The following COL7A1 variants were observed in gnomAD, a reference collection of about 807,000 sequenced individuals.
The protein encoded by COL7A1 is collagen type VII alpha 1 chain.
A neutral mutation model predicts 456.2 loss-of-function variants in COL7A1; 296 were observed. The observed-to-expected ratio is 0.65, with a 90% CI of 0.59 to 0.71. The LOEUF (loss-of-function observed/expected upper bound fraction) is 0.71. Among genes scored for constraint, COL7A1 ranks in the 30% least tolerant of loss-of-function variants. The probability of loss-of-function intolerance (pLI) is 0.00; values close to 1 mark genes in which losing one functional copy is unlikely to be tolerated. For missense variants in COL7A1, 3,441 were observed against 4,017.2 expected (o/e 0.86, Z 3.88); for synonymous variants, 1,464 against 1,525.9 (o/e 0.96, Z 0.95).
rs774072795 is a variant in COL7A1 at position 48,587,890 on chromosome 3, G to C, written c.2760C>G (p.His920Gln). Reference protein sequence around the residue: ...RVLGPELSSYHLDGLEPATQY... With the variant: ...RVLGPELSSYQLDGLEPATQY... Reference sequence around the variant, plus strand: ...GTGTCGCTGGCTCCAGCCCGTCCAGGTGATAGCTGCTGAGCTCGGGCCCCA... The same window carrying C: ...GTGTCGCTGGCTCCAGCCCGTCCAGCTGATAGCTGCTGAGCTCGGGCCCCA... Residue 920 changes from histidine (H) to glutamine (Q), a missense_variant, in exon 22 of 119, where the codon CAC (histidine) becomes CAG (glutamine). Physicochemically the swap from His to Gln is conservative, Grantham distance 24. Coordinates refer to ENST00000681320, the MANE Select transcript of COL7A1 (RefSeq NM_000094.4). This position sits in a 1 kb window ranked among gnomAD's most constrained non-coding sequence, Gnocchi z 6.1. The C allele has an allele frequency of 3.1e-6, 5 of 1,610,956 alleles. No individual in the cohort carries two copies.
In COL7A1 at chr3:48,565,362, G is replaced by C. The variant is rs770632676; in HGVS notation, c.8527+48C>G. 2 of 1,564,294 alleles carry C rather than the reference G, an allele frequency of 1.3e-6. No individual in the cohort carries two copies. The highest frequency in any genetic ancestry group is 2.7e-5 in the African/African-American group (2 of 73,902). On this transcript the variant is annotated intron_variant, in intron 116 of 118. Transcript: ENST00000681320. This position sits in a 1 kb window ranked among gnomAD's most constrained non-coding sequence, Gnocchi z 4.5. The stretch of plus-strand genomic sequence containing the variant: ...CCTGCATTCATGGACACCCATGTGC[G>C]TGTCTCGGCCCCACCCATAGCTGCC...
At position 48,590,528 on chromosome 3, in the gene COL7A1, G is replaced by A. The variant is rs759634066; in HGVS notation, c.1837C>T (p.Arg613Ter). The stretch of plus-strand genomic sequence containing the variant: ...ACGGGTCCCCAGGCCACCCTCACTC[G>A]CGTTGCATCTGACACCACAACCCGC... ...GLRVVVSDAT[R>*]VRVAWGPVPG... The change falls in exon 15 of 119, where the codon CGA becomes TGA. Residue 613 changes from arginine (R) to a stop codon, truncating the protein, a stop_gained. Transcript: ENST00000681320. LOFTEE classifies it high-confidence loss of function. The surrounding 1 kb of genome is among the most constrained non-coding windows in gnomAD (Gnocchi z 4.6). 9.9e-6 allele frequency: 16 copies of A among 1,614,114 alleles called. No homozygotes were observed. Among genetic ancestry groups the A allele is most frequent in the Non-Finnish European group, 1.2e-5 (14 of 1,180,026 alleles).
Position 48,571,271 on chromosome 3 carries a change from T to C in COL7A1, c.7076A>G (p.Lys2359Arg). The change falls in exon 93 of 119, where the codon AAA becomes AGA. Residue 2359 changes from lysine to arginine, a missense_variant. Lys to Arg is a conservative substitution (Grantham distance 26). Around this residue, in one of 3 missense-constraint regions of COL7A1, gnomAD observed 2,084 missense variants for 2,501.3 expected, o/e 0.83. Transcript: ENST00000681320. This position sits in a 1 kb window ranked among gnomAD's most constrained non-coding sequence, Gnocchi z 4.6. ...GAAACCTTTGGGTCCTGGAGCCCCT[T>C]TCTGACCCTAAGAAAACCCAGCAAA... ...EPGDPGEDGQ[K>R]GAPGPKGFKG... is the part of the protein sequence containing the mutation. 1 of 1,614,132 alleles carries C rather than the reference T, an allele frequency of 6.2e-7. No individual in the cohort carries two copies. Among genetic ancestry groups the C allele is most frequent in the Non-Finnish European group, 8.5e-7 (1 of 1,180,022 alleles).
chr3:48,587,488 G>A lies in COL7A1; in HGVS notation c.2924C>T (p.Ala975Val). 1 of 1,613,352 alleles carries A rather than the reference G, an allele frequency of 6.2e-7. No individual in the cohort carries two copies. The highest frequency in any genetic ancestry group is 8.5e-7 in the Non-Finnish European group (1 of 1,180,034). ...VDTSIDSVTL[A>V]WTPVSRASSY... ...GGATGCCCTGGACACTGGAGTCCAG[G>A]CCAAAGTCACCGAGTCGATCGAGGT... Residue 975 changes from alanine (A) to valine (V), a missense_variant, in exon 23 of 119, where the codon GCC (alanine) becomes GTC (valine). By Grantham distance (64) the Ala-to-Val change is moderately conservative (BLOSUM62 0). Coordinates refer to ENST00000681320, the MANE Select transcript of COL7A1 (RefSeq NM_000094.4). This position sits in a 1 kb window ranked among gnomAD's most constrained non-coding sequence, Gnocchi z 6.1.
rs759047842 is a variant in COL7A1, at chr3:48,588,778, C to T, written c.2451G>A (p.Met817Ile). Residue 817 changes from methionine (M) to isoleucine (I), a missense_variant, in exon 20 of 119, where the codon ATG becomes ATA. Met to Ile is a conservative substitution (Grantham distance 10). Around this residue, in one of 3 missense-constraint regions of COL7A1, gnomAD observed 444 missense variants for 427.6 expected, o/e 1.04. Transcript: ENST00000681320. The surrounding 1 kb of genome is among the most constrained non-coding windows in gnomAD (Gnocchi z 4.6). ...LAWGRSEGGPMRHQILPGNTD... is the reference protein window; with the variant it reads ...LAWGRSEGGPIRHQILPGNTD... ...TGTTTCCTGGGAGTATCTGGTGCCT[C>T]ATGGGGCCGCCTGGCCAGGTGGGCA... 5 of 1,613,776 alleles carry T rather than the reference C, an allele frequency of 3.1e-6. No homozygotes were observed. The highest frequency in any genetic ancestry group is 3.3e-5 in the Admixed American group (2 of 60,008).
Position 48,571,793 on chromosome 3 carries a change from C to A in COL7A1, c.7068+208G>T. ...GTGAGAAACAGACCAAGGATGGGCA[C>A]ACAGAAGCCAAGACAGGGCCCCCAG... On this transcript the variant is annotated intron_variant, in intron 92 of 118. Coordinates refer to ENST00000681320, the MANE Select transcript of COL7A1 (RefSeq NM_000094.4). The surrounding 1 kb of genome is among the most constrained non-coding windows in gnomAD (Gnocchi z 4.6). 1 of 661,524 alleles carries A rather than the reference C, an allele frequency of 1.5e-6. No individual in the cohort carries two copies. The allele number at this position is 661,524 out of a possible 1,614,324, so 41.0% of individuals were successfully genotyped here. A position where few individuals can be genotyped will look rare whatever the true frequency, so the allele number is the denominator to read the frequency against.
In COL7A1 at chr3:48,569,301, C is replaced by T. The variant is rs190445911; in HGVS notation, c.7686+74G>A. 3.5e-4 allele frequency: 554 copies of T among 1,565,786 alleles called. 3 individuals are homozygous for T. In the Middle Eastern group the frequency reaches 6.2e-3, roughly 18 times the overall value. On this transcript the variant is annotated intron_variant, in intron 103 of 118. Transcript: ENST00000681320. This position sits in a 1 kb window ranked among gnomAD's most constrained non-coding sequence, Gnocchi z 4.9. Reference sequence around the variant, plus strand: ...GAAAGCCTCCTCCTGTCCTCCCCTCCTGCCCTCACAGATGCTGTGGAACCA... The same window carrying T: ...GAAAGCCTCCTCCTGTCCTCCCCTCTTGCCCTCACAGATGCTGTGGAACCA...
chr3:48,592,714 A>G lies in COL7A1; in HGVS notation c.847-15T>C. On this transcript the variant is annotated splice_polypyrimidine_tract_variant and intron_variant, in intron 7 of 118. Coordinates refer to ENST00000681320, the MANE Select transcript of COL7A1 (RefSeq NM_000094.4). The surrounding 1 kb of genome is among the most constrained non-coding windows in gnomAD (Gnocchi z 7.6). Reference sequence around the variant, plus strand: ...GGGACGTTCACCTGCCCAGGGCAAGAGGTCACTTTATCTTGCCCAGCCAAG... The same window carrying G: ...GGGACGTTCACCTGCCCAGGGCAAGGGGTCACTTTATCTTGCCCAGCCAAG... 1 of 1,613,542 alleles carries G rather than the reference A, an allele frequency of 6.2e-7. No homozygotes were observed. Among genetic ancestry groups the G allele is most frequent in the Non-Finnish European group, 8.5e-7 (1 of 1,180,046 alleles).
chr3:48,588,270 G>A lies in COL7A1; in HGVS notation c.2710+12C>T, dbSNP rs1426632306. The A allele has an allele frequency of 6.2e-7, 1 of 1,612,778 alleles. No individual in the cohort carries two copies. The highest frequency in any genetic ancestry group is 8.5e-7 in the Non-Finnish European group (1 of 1,179,942). On this transcript the variant is annotated intron_variant, in intron 21 of 118. Coordinates refer to ENST00000681320, the MANE Select transcript of COL7A1 (RefSeq NM_000094.4). This position sits in a 1 kb window ranked among gnomAD's most constrained non-coding sequence, Gnocchi z 4.6. ...CAATGGTCCCTAACTTCCTCCTGGG[G>A]ACACCTCTCACCCTCAGGTTGCCAG...
Position 48,569,488 on chromosome 3 carries a change from G to T in COL7A1, c.7615-42C>A. The T allele has an allele frequency of 6.2e-7, 1 of 1,613,820 alleles. No homozygotes were observed. Among genetic ancestry groups the T allele is most frequent in the South Asian group, 1.1e-5 (1 of 91,074 alleles). On this transcript the variant is annotated intron_variant, in intron 102 of 118. Coordinates refer to ENST00000681320, the MANE Select transcript of COL7A1 (RefSeq NM_000094.4). The surrounding 1 kb of genome is among the most constrained non-coding windows in gnomAD (Gnocchi z 4.9). Reference sequence around the variant, plus strand: ...AAGAAGTCACGGTAAGGGGCTGAAGGTCCCTCACCCTCTGGGAGTTTGAGC... The same window carrying T: ...AAGAAGTCACGGTAAGGGGCTGAAGTTCCCTCACCCTCTGGGAGTTTGAGC...
rs1055450513 is a variant in COL7A1 at position 48,594,914 on chromosome 3, C to T, written c.85+161G>A. 1.3e-5 allele frequency among the ~76,000 whole-genome samples: 2 copies of T among 152,158 alleles called. No individual in the cohort carries two copies. Among genetic ancestry groups the T allele is most frequent in the Admixed American group, 1.3e-4 (2 of 15,276 alleles). Reference sequence around the variant, plus strand: ...GGAGGCGGTTTAGGGAACCCAGCACCGATCGCGGAGGGTTCGGGGAGTCCC... The same window carrying T: ...GGAGGCGGTTTAGGGAACCCAGCACTGATCGCGGAGGGTTCGGGGAGTCCC... On this transcript the variant is annotated intron_variant, in intron 2 of 118. Coordinates refer to ENST00000681320, the MANE Select transcript of COL7A1 (RefSeq NM_000094.4). This position sits in a 1 kb window ranked among gnomAD's most constrained non-coding sequence, Gnocchi z 5.5.
rs758993088 is a variant in COL7A1, at chr3:48,573,910, A to G, written c.6502-20T>C. 10 of 1,612,502 alleles carry G rather than the reference A, an allele frequency of 6.2e-6. No homozygotes were observed. The South Asian group carries it at 1.1e-4, about 18-fold the overall frequency. On this transcript the variant is annotated intron_variant, in intron 80 of 118. Transcript: ENST00000681320. This position sits in a 1 kb window ranked among gnomAD's most constrained non-coding sequence, Gnocchi z 5.5. The stretch of plus-strand genomic sequence containing the variant: ...CAGACCCTACATAGAGAGGGCACTG[A>G]TGAGCCTCAATCTGGGCCTCACTTG...
rs1559431758 is a variant in COL7A1, at chr3:48,590,390, G to A, written c.1907-34C>T. 4 of 1,614,040 alleles carry A rather than the reference G, an allele frequency of 2.5e-6. No individual in the cohort carries two copies. Among genetic ancestry groups the A allele is most frequent in the East Asian group, 2.2e-5 (1 of 44,886 alleles). On this transcript the variant is annotated intron_variant, in intron 15 of 118. Transcript: ENST00000681320. The surrounding 1 kb of genome is among the most constrained non-coding windows in gnomAD (Gnocchi z 4.6). ...AGAGGGAAATGCTGGCATGGCTCCTGCCTGTCCCCTCTGGCACCCATACCC... is the reference window on the plus strand; with the variant it reads ...AGAGGGAAATGCTGGCATGGCTCCTACCTGTCCCCTCTGGCACCCATACCC...
At position 48,575,991 on chromosome 3, in the gene COL7A1, C is replaced by A. The variant is rs373135363; in HGVS notation, c.5821-89G>T. 64 of 1,600,378 alleles carry A rather than the reference C, an allele frequency of 4.0e-5. 1 individual carries two copies. The African/African-American group carries it at 5.2e-4, about 13-fold the overall frequency. Reference sequence around the variant, plus strand: ...CGGCCTCAGGAAAGCACCTTCACACCCTTTTCCCTAGGCCTCTTGCCCAGA... The same window carrying A: ...CGGCCTCAGGAAAGCACCTTCACACACTTTTCCCTAGGCCTCTTGCCCAGA... On this transcript the variant is annotated intron_variant, in intron 71 of 118. Coordinates refer to ENST00000681320, the MANE Select transcript of COL7A1 (RefSeq NM_000094.4). The surrounding 1 kb of genome is among the most constrained non-coding windows in gnomAD (Gnocchi z 6.3).
chr3:48,589,056 T>C (rs2045504570), intron 18 of COL7A1, 61 bp from the exon 19 acceptor site: 10 of 1,610,984 alleles, frequency 6.2e-6, no homozygotes, highest in African/African-American at 1.3e-5. Flanking sequence ...GCAGGAATGG[T>C]TGACGCAGGG....
rs1193671543 is a variant in COL7A1 at position 48,588,606 on chromosome 3, AC to A, written c.2587+35del. The A allele has an allele frequency of 6.2e-7, 1 of 1,613,266 alleles. No homozygotes were observed. Among genetic ancestry groups the A allele is most frequent in the East Asian group, 2.2e-5 (1 of 44,886 alleles). ...CCCGGATCCCCAAACCATCCACACC[AC>A]CCATCCGAAGCTCTCCAGCGCATGC... is the stretch of plus-strand genomic sequence containing the variant. On this transcript the variant is annotated intron_variant, in intron 20 of 118. Transcript: ENST00000681320. This position sits in a 1 kb window ranked among gnomAD's most constrained non-coding sequence, Gnocchi z 4.6.
In COL7A1 at chr3:48,575,741, G is replaced by A; in HGVS notation, c.5864C>T (p.Ala1955Val). ...CCAGGTCTCCACGATCTCCCGCAGG[G>A]CAGATGCCTGAGGGACAGCAAGAGG... ...LLETAGIKAS[A>V]LREIVETWDE... Residue 1955 changes from alanine (A) to valine (V), a missense_variant, in exon 73 of 119, where the codon GCC becomes GTC. By Grantham distance (64) the Ala-to-Val change is moderately conservative (BLOSUM62 0). Transcript: ENST00000681320. The surrounding 1 kb of genome is among the most constrained non-coding windows in gnomAD (Gnocchi z 6.3). The A allele has an allele frequency of 6.2e-7, 1 of 1,614,042 alleles. No individual in the cohort carries two copies. The highest frequency in any genetic ancestry group is 8.5e-7 in the Non-Finnish European group (1 of 1,180,024).
rs1187848540 is a variant in COL7A1 at position 48,567,164 on chromosome 3, TGGCTGCCC to T, written c.8065_8072del (p.Gly2689ArgfsTer5). ...TCTCGCCCTGGTCACCCTTGGGGCC[TGGCTGCCC>T]GTCAAAGCCTCGGTCACCCTGGGAA... is the stretch of plus-strand genomic sequence containing the variant. On this transcript the variant is annotated frameshift_variant, in exon 110 of 119. Transcript: ENST00000681320. LOFTEE classifies it high-confidence loss of function. This position sits in a 1 kb window ranked among gnomAD's most constrained non-coding sequence, Gnocchi z 4.3. 6.2e-7 allele frequency: 1 copy of T among 1,613,904 alleles called. No individual in the cohort carries two copies. The highest frequency in any genetic ancestry group is 8.5e-7 in the Non-Finnish European group (1 of 1,179,964).
chr3:48,593,560 G>T lies in COL7A1; in HGVS notation c.403C>A (p.Leu135Met), dbSNP rs145560571. The T allele has an allele frequency of 1.9e-6, 3 of 1,614,208 alleles. No homozygotes were observed. Among genetic ancestry groups the T allele is most frequent in the Non-Finnish European group, 2.5e-6 (3 of 1,180,026 alleles). ...ACCTTGGGGACACCAGGTCGGGCCA[G>T]CTGGGGCAGGAAGACATGGTCAGCC... is the stretch of plus-strand genomic sequence containing the variant. ...HVADHVFLPQ[L>M]ARPGVPKVCI... Residue 135 changes from leucine (L) to methionine (M), a missense_variant, in exon 4 of 119, where the codon CTG becomes ATG. Leu to Met is a conservative substitution (Grantham distance 15). Coordinates refer to ENST00000681320, the MANE Select transcript of COL7A1 (RefSeq NM_000094.4). The surrounding 1 kb of genome is among the most constrained non-coding windows in gnomAD (Gnocchi z 4.4).
Sources: allele counts gnomAD v4.1 joint callset (sites outside exome capture counted in the v4.1 genomes callset), GRCh38; gene constraint gnomAD v4.1.1; regional missense constraint gnomAD v4.1.1; non-coding constraint Gnocchi (gnomAD v3.1); transcripts MANE v1.5; gene names NCBI Gene and HGNC (gene_info 2026-07-23, HGNC 2026-07-21).